The following RNF216 variants were observed in gnomAD, a reference collection of about 807,000 sequenced individuals.
RNF216 encodes ring finger protein 216.
Under a neutral mutation model 110.8 loss-of-function variants are expected in RNF216, and 72 were observed. The observed-to-expected ratio is 0.65, with a 90% CI of 0.54 to 0.79. The LOEUF (loss-of-function observed/expected upper bound fraction) is 0.79. Among genes scored for constraint, RNF216 ranks in the 30% least tolerant of loss-of-function variants. RNF216 has a pLI of 0.00. For synonymous variants in RNF216, 495 were observed against 407.5 expected, an observed-to-expected ratio of 1.21 and a Z score of -2.59; for missense variants, 1,342 against 1,141.2, an observed-to-expected ratio of 1.18 and a Z score of -2.54.
chr7:5,729,509 C>T lies in RNF216; in HGVS notation c.1312G>A (p.Asp438Asn), dbSNP rs757361864. 2.2e-5 allele frequency: 35 copies of T among 1,613,940 alleles called. No individual in the cohort carries two copies. Among genetic ancestry groups the T allele is most frequent in the Non-Finnish European group, 2.6e-5 (31 of 1,180,012 alleles). Residue 438 changes from aspartate (D) to asparagine (N), a missense_variant, in exon 7 of 17, where the codon GAC (aspartate) becomes AAC (asparagine). Asp to Asn is a conservative substitution (Grantham distance 23). Transcript: ENST00000389902. ...FIQAADLLMA[D>N]FKVLSSQDIK... ...TCCTGACTACTGAGCACTTTGAAGT[C>T]GGCCATGAGGAGGTCAGCAGCTTGG... is the stretch of plus-strand genomic sequence containing the variant.
intron 13 of RNF216, among the ~76,000 whole-genome samples, chr7:5,660,302 T>TTTTTTTTTG: frequency 1.2e-5 from 1 of 85,814 alleles, no homozygotes; most frequent in Non-Finnish European, 2.2e-5. Context: ...TTTTTTTTTT[T>TTTTTTTTTG]TTTTTTTTGA....
chr7:5,780,662 G>A (rs1352097458), intron 1 of RNF216, among the ~76,000 whole-genome samples: 10 of 151,434 alleles, frequency 6.6e-5, no homozygotes, highest in Non-Finnish European at 1.2e-4. Flanking sequence ...CCGGGATCGC[G>A]CCACTGCACT....
At chr7:5,684,228 G>T (rs1040208697) in intron 13 of RNF216, among the ~76,000 whole-genome samples, 40 of 150,660 alleles carry the variant, frequency 2.7e-4, no homozygotes, top group African/African-American at 9.8e-4. Flanking sequence ...TCAGCCTCCG[G>T]AGTAGTTAGG....
At chr7:5,755,817 C>T (rs1439949228) in intron 2 of RNF216, among the ~76,000 whole-genome samples, 4 of 152,098 alleles carry the variant, frequency 2.6e-5, no homozygotes, top group African/African-American at 7.2e-5. Flanking sequence ...AGTGGAAATG[C>T]TGAGTCATGG....
chr7:5,691,190 A>G (rs982559666), intron 13 of RNF216, among the ~76,000 whole-genome samples: 51 of 152,252 alleles, frequency 3.3e-4, no homozygotes, highest in African/African-American at 1.1e-3. Context: ...TGCTCATGCC[A>G]ACAGGGTGCT....
chr7:5,660,943 G>GTTTT (rs1168463360), intron 13 of RNF216, among the ~76,000 whole-genome samples: 2,875 of 90,156 alleles, frequency 0.032, 317 homozygotes, highest in African/African-American at 0.15. Context: ...GAAGCCTTAG[G>GTTTT]TTTTTTTTTT....
intron 13 of RNF216, among the ~76,000 whole-genome samples, chr7:5,699,973 GA>G (rs1791860455): frequency 2.0e-5 from 3 of 152,298 alleles, no homozygotes; most frequent in Non-Finnish European, 2.9e-5. Context: ...TGAATTCAAG[GA>G]TAAACACAAG....
chr7:5,776,695 C>T (rs1051708429), intron 1 of RNF216, among the ~76,000 whole-genome samples: 4 of 150,382 alleles, frequency 2.7e-5, no homozygotes, highest in South Asian at 2.1e-4. Flanking sequence ...CGTGTCAGAT[C>T]TGGGTTTATC....
intron 6 of RNF216, 146 bp downstream of exon 6, chr7:5,730,569 T>C (rs1411455314): frequency 6.0e-5 from 55 of 919,156 alleles, no homozygotes; most frequent in Non-Finnish European, 8.8e-5. Flanking sequence ...AGTATAGATA[T>C]ATTCTGAAAT....
At chr7:5,763,757 G>A (rs907270911) in intron 1 of RNF216, among the ~76,000 whole-genome samples, 8 of 152,046 alleles carry the variant, frequency 5.3e-5, no homozygotes, top group African/African-American at 1.9e-4. Context: ...TTTTTTTGTA[G>A]AGACAGGGTC....
At chr7:5,760,966 C>T (rs1181396105) in intron 2 of RNF216, 37 bp downstream of exon 2, 4 of 1,494,786 alleles carry the variant, frequency 2.7e-6, no homozygotes, top group Non-Finnish European at 2.8e-6. Flanking sequence ...AAGAAAAAGC[C>T]ACAGGGAAAG....
chr7:5,764,930 C>A (rs1256032258), intron 1 of RNF216, among the ~76,000 whole-genome samples: 1 of 151,864 alleles, frequency 6.6e-6, no homozygotes, highest in African/African-American at 2.4e-5. Context: ...ATTAGTTGGG[C>A]ATGGTGGCAC....
At chr7:5,629,781 G>A (rs1719805181) in intron 15 of RNF216, among the ~76,000 whole-genome samples, 1 of 143,284 alleles carries the variant, frequency 7.0e-6, no homozygotes, top group African/African-American at 2.7e-5. Context: ...TAGCCGAGAT[G>A]GTGCCACTGC....
chr7:5,732,160 T>C (rs1432077357), intron 5 of RNF216, among the ~76,000 whole-genome samples: 1 of 152,204 alleles, frequency 6.6e-6, no homozygotes, highest in Non-Finnish European at 1.5e-5. Context: ...TACATTTTCC[T>C]ATAAAACCAT....
intron 13 of RNF216, among the ~76,000 whole-genome samples, chr7:5,694,882 T>G (rs1317659679): frequency 6.6e-6 from 1 of 152,236 alleles, no homozygotes; most frequent in African/African-American, 2.4e-5. Context: ...GAACATTTAT[T>G]TATAATCATC....
chr7:5,739,729 A>G, intron 4 of RNF216: 1 of 431,948 alleles, frequency 2.3e-6, no homozygotes. Context: ...GGCCGGGTGC[A>G]GTGGCTCATG....
Position 5,699,405 on chromosome 7 carries a change from G to C in RNF216, c.2061+12356C>G, listed in dbSNP as rs544063753. Among the ~76,000 whole-genome samples the C allele has an allele frequency of 5.3e-5, 8 of 152,248 alleles. No individual in the cohort carries two copies. The South Asian group carries it at 1.7e-3, about 32-fold the overall frequency. ...ACTTTGAGCAGATAAGGAGTAAAAA[G>C]CCCCTAAAACCCAGGAAGAGTTTTA... On this transcript the variant is annotated intron_variant, in intron 13 of 16. Transcript: ENST00000389902.
At chr7:5,683,224 G>A (rs943320816) in intron 13 of RNF216, among the ~76,000 whole-genome samples, 1 of 152,108 alleles carries the variant, frequency 6.6e-6, no homozygotes, top group African/African-American at 2.4e-5. Flanking sequence ...TGGAATCTAT[G>A]TAGCCCTTAG....
chr7:5,731,063 G>A (rs944057969), intron 5 of RNF216, among the ~76,000 whole-genome samples: 1 of 152,218 alleles, frequency 6.6e-6, no homozygotes, highest in Non-Finnish European at 1.5e-5. Context: ...AAACTCCTCT[G>A]AAGTTTATGT....
Sources: gnomAD v4.1 joint callset for allele counts (sites outside exome capture counted in the v4.1 genomes callset) on GRCh38, gnomAD v4.1.1 for gene constraint, MANE v1.5 for transcripts, NCBI Gene and HGNC (gene_info 2026-07-23, HGNC 2026-07-21) for gene names.